Variants in TBL1X observed in about 807,000 individuals in gnomAD.
TBL1X encodes the protein transducin beta like 1 X-linked, also known as F-box-like/WD repeat-containing protein TBL1X.
Under a neutral mutation model 50.7 loss-of-function variants are expected in TBL1X, and 10 were observed. The ratio of observed to expected loss-of-function variants is 0.20; its 90% CI spans 0.12 to 0.33. The LOEUF (loss-of-function observed/expected upper bound fraction) is 0.33. TBL1X is among the 10% of genes least tolerant of loss of function. The probability of loss-of-function intolerance (pLI) is 1.00; values close to 1 mark genes in which losing one functional copy is unlikely to be tolerated. For synonymous variants in TBL1X, 190 were observed against 214.7 expected (o/e 0.88, Z 1.01); for missense variants, 340 against 504.4 (o/e 0.67, Z 3.12).
chrX:9,526,525 G>A (rs1280882195), intron 2 of TBL1X, among the ~76,000 whole-genome samples: 1 of 110,900 alleles, frequency 9.0e-6, no homozygotes, highest in Non-Finnish European at 1.9e-5. Flanking sequence ...CAGAGCTTGT[G>A]CCAAGATGTA....
At chrX:9,543,083 C>A (rs1265645956) in intron 2 of TBL1X, among the ~76,000 whole-genome samples, 2 of 112,551 alleles carry the variant, frequency 1.8e-5, no homozygotes, top group Non-Finnish European at 3.8e-5. Flanking sequence ...TCTGGACCAA[C>A]AAGGACAGAA....
chrX:9,494,898 G>A (rs1237713441), intron 1 of TBL1X, among the ~76,000 whole-genome samples: 1 of 112,194 alleles, frequency 8.9e-6, no homozygotes, highest in Non-Finnish European at 1.9e-5. Context: ...GGAAGGAGGA[G>A]TTGACATGCT....
At chrX:9,575,605 G>A (rs760294948) in intron 2 of TBL1X, among the ~76,000 whole-genome samples, 1 of 111,774 alleles carries the variant, frequency 8.9e-6, no homozygotes, top group Non-Finnish European at 1.9e-5. Flanking sequence ...TGCCTCCACT[G>A]TTTGGCGATT....
intron 2 of TBL1X, among the ~76,000 whole-genome samples, chrX:9,602,285 A>G (rs911227572): frequency 1.8e-5 from 2 of 111,410 alleles, no homozygotes; most frequent in Non-Finnish European, 3.8e-5. Context: ...TATAAAATGT[A>G]AAATGAATGA....
chrX:9,574,811 A>T (rs1406680131), intron 2 of TBL1X, among the ~76,000 whole-genome samples: 5 of 111,650 alleles, frequency 4.5e-5, no homozygotes, highest in Non-Finnish European at 7.5e-5. Context: ...TGCACTGTGT[A>T]CCCAGCACCA....
chrX:9,468,615 G>T (rs1440246569), intron 1 of TBL1X, among the ~76,000 whole-genome samples: 1 of 111,086 alleles, frequency 9.0e-6, no homozygotes, highest in Non-Finnish European at 1.9e-5. Context: ...GGGCGCTGGG[G>T]ACAGCTATGA....
At chrX:9,599,187 G>T (rs746265244) in intron 2 of TBL1X, among the ~76,000 whole-genome samples, 1 of 110,250 alleles carries the variant, frequency 9.1e-6, no homozygotes, top group Non-Finnish European at 1.9e-5. Flanking sequence ...CAGGTGATCC[G>T]CCCACCTCAG....
intron 2 of TBL1X, chrX:9,560,528 T>A (rs1465543192): frequency 8.9e-6 from 1 of 112,406 alleles, no homozygotes; most frequent in East Asian, 2.8e-4. Context: ...CCTGGAGGAC[T>A]TAGCTCTGCA....
chrX:9,596,419 A>T (rs932827202), intron 2 of TBL1X, among the ~76,000 whole-genome samples: 4 of 111,883 alleles, frequency 3.6e-5, no homozygotes, highest in Non-Finnish European at 1.9e-5. Flanking sequence ...AACTAGAGGC[A>T]GTCTTTCCCC....
rs2083272441 is a variant in TBL1X at position 9,715,423 on chromosome X, G to C, written c.1707+420G>C. Among the ~76,000 whole-genome samples, 9 of 111,523 alleles carry C rather than the reference G, an allele frequency of 8.1e-5. 1 individual carries two copies. The Admixed American group carries it at 8.6e-4, about 11-fold the overall frequency. On this transcript the variant is annotated intron_variant, in intron 17 of 17. Coordinates refer to ENST00000645353, the MANE Select transcript of TBL1X (RefSeq NM_005647.4). Reference sequence around the variant, plus strand: ...TAGATGATAATACCTGTCCCACACCGAGGCTGTGTGGTACAGCCTATTGCT... The same window carrying C: ...TAGATGATAATACCTGTCCCACACCCAGGCTGTGTGGTACAGCCTATTGCT...
chrX:9,546,803 A>ATTTTTTTTTTTTTTTTT (rs774181046), intron 2 of TBL1X, among the ~76,000 whole-genome samples: 1 of 44,986 alleles, frequency 2.2e-5, no homozygotes. Context: ...TTTATTCTTA[A>ATTTTTTTTTTTTTTTTT]TTTTTTTTTT....
At chrX:9,686,057 G>T (rs908100178) in intron 6 of TBL1X, among the ~76,000 whole-genome samples, 3 of 110,970 alleles carry the variant, frequency 2.7e-5, no homozygotes, top group Non-Finnish European at 3.8e-5. Context: ...GCCATTTTTC[G>T]CAAAGCTGTG....
intron 2 of TBL1X, among the ~76,000 whole-genome samples, chrX:9,520,786 T>C (rs765773967): frequency 9.0e-6 from 1 of 110,632 alleles, no homozygotes; most frequent in African/African-American, 3.3e-5. Context: ...GGGAGACTTG[T>C]GGTTGAGTTA....
rs1445795321 is a variant in TBL1X at position 9,693,132 on chromosome X, C to T, written c.892-17C>T. 4 of 1,209,380 alleles carry T rather than the reference C, an allele frequency of 3.3e-6. No homozygotes were observed. In the Admixed American group the frequency reaches 6.6e-5, roughly 20 times the overall value. On this transcript the variant is annotated splice_polypyrimidine_tract_variant and intron_variant, in intron 9 of 17. Coordinates refer to ENST00000645353, the MANE Select transcript of TBL1X (RefSeq NM_005647.4). ...CTAAGTTGTTTTTGTGGGGTTTTGTCTCTTTCTGGCCCTCAGACCAATGGA... is the reference window on the plus strand; with the variant it reads ...CTAAGTTGTTTTTGTGGGGTTTTGTTTCTTTCTGGCCCTCAGACCAATGGA...
intron 2 of TBL1X, among the ~76,000 whole-genome samples, chrX:9,620,489 T>G (rs1363754302): frequency 8.9e-6 from 1 of 112,293 alleles, no homozygotes; most frequent in Non-Finnish European, 1.9e-5. Flanking sequence ...TAACACATCC[T>G]GTGACAGAGA....
At chrX:9,699,415 G>T (rs1229302937) in intron 12 of TBL1X, among the ~76,000 whole-genome samples, 1 of 112,041 alleles carries the variant, frequency 8.9e-6, no homozygotes, top group East Asian at 2.8e-4. Context: ...TCCCTTAAGG[G>T]CAAATGTCTG....
chrX:9,558,648 G>A (rs1411831582), intron 2 of TBL1X, among the ~76,000 whole-genome samples: 2 of 111,416 alleles, frequency 1.8e-5, no homozygotes, highest in Non-Finnish European at 3.8e-5. Flanking sequence ...TGTAAGGCTG[G>A]ACCTGGCCGT....
chrX:9,555,334 C>T (rs1356965482), intron 2 of TBL1X, among the ~76,000 whole-genome samples: 1 of 111,713 alleles, frequency 9.0e-6, no homozygotes, highest in Non-Finnish European at 1.9e-5. Context: ...CTGTTTCAGC[C>T]TCCCAAAGCC....
chrX:9,490,143 ATT>A (rs71707662), intron 1 of TBL1X, among the ~76,000 whole-genome samples: 42,581 of 106,727 alleles, frequency 0.4, 6,679 homozygotes, highest in East Asian at 0.64. Context: ...CTTTTTAAAC[ATT>A]TTTTTTGTAG....
Sources: gnomAD v4.1 joint callset for allele counts (sites outside exome capture counted in the v4.1 genomes callset) on GRCh38, gnomAD v4.1.1 for gene constraint, MANE v1.5 for transcripts, NCBI Gene and HGNC (gene_info 2026-07-23, HGNC 2026-07-21) for gene names.